Variants in ANGPT4 observed in about 807,000 individuals in gnomAD.
ANGPT4 encodes the protein angiopoietin-4.
A neutral mutation model predicts 53.0 loss-of-function variants in ANGPT4; 50 were observed. The ratio of observed to expected loss-of-function variants is 0.94; its 90% CI spans 0.75 to 1.20. The LOEUF is 1.20. ANGPT4 is among the 50% of genes most tolerant of loss of function. ANGPT4 has a pLI of 0.00. For synonymous variants in ANGPT4, 251 were observed against 259.7 expected (o/e 0.97, Z 0.32); for missense variants, 648 against 637.1 (o/e 1.02, Z -0.18).
At chr20:887,978 C>A (rs1410570522) in intron 3 of ANGPT4, among the ~76,000 whole-genome samples, 1 of 152,078 alleles carries the variant, frequency 6.6e-6, no homozygotes, top group African/African-American at 2.4e-5. Context: ...CCACCCAGTG[C>A]AGGGGCCAGG....
Position 908,223 on chromosome 20 carries a change from C to T in ANGPT4, c.309+7683G>A, listed in dbSNP as rs1032966437. Among the ~76,000 whole-genome samples the T allele has an allele frequency of 3.9e-5, 6 of 152,240 alleles. No individual in the cohort carries two copies. Among genetic ancestry groups the T allele is most frequent in the Admixed American group, 1.3e-4 (2 of 15,306 alleles). On this transcript the variant is annotated intron_variant, in intron 1 of 8. Transcript: ENST00000381922. The surrounding 1 kb of genome is among the most constrained non-coding windows in gnomAD (Gnocchi z 4.9). Reference sequence around the variant, plus strand: ...TCTTCCCAGTCTCCATGGTCCTCCACGGAGAACAGGGTCAGGACCAGGGAC... The same window carrying T: ...TCTTCCCAGTCTCCATGGTCCTCCATGGAGAACAGGGTCAGGACCAGGGAC...
chr20:882,356 C>G (rs1032770063), intron 4 of ANGPT4, among the ~76,000 whole-genome samples: 1 of 152,102 alleles, frequency 6.6e-6, no homozygotes, highest in African/African-American at 2.4e-5. Context: ...AGCCAGGTAC[C>G]CAGGATGGGG....
chr20:902,391 T>G lies in ANGPT4; in HGVS notation c.310-12023A>C, dbSNP rs6055727. ...ACTAGTCTCTAACTGATATTAACTT[T>G]TCCTGTGGTAGTGAGTATATGCCAC... On this transcript the variant is annotated intron_variant, in intron 1 of 8. Transcript: ENST00000381922. Among the ~76,000 whole-genome samples the G allele has an allele frequency of 4.6e-3, 699 of 152,314 alleles. 7 individuals carry two copies. The highest frequency in any genetic ancestry group is 0.015 in the African/African-American group (641 of 41,570).
At chr20:882,532 G>A (rs1273269588) in intron 4 of ANGPT4, among the ~76,000 whole-genome samples, 1 of 152,170 alleles carries the variant, frequency 6.6e-6, no homozygotes, top group African/African-American at 2.4e-5. Flanking sequence ...CAAATGAGAT[G>A]ACTAAGACCC....
At chr20:874,517 C>T in intron 7 of ANGPT4, 103 bp from the exon 8 acceptor site, 6 of 1,493,330 alleles carry the variant, frequency 4.0e-6, no homozygotes, top group Non-Finnish European at 5.4e-6. Flanking sequence ...GCTGGGCTTC[C>T]CCTCCAGGTG....
intron 1 of ANGPT4, among the ~76,000 whole-genome samples, chr20:915,231 C>CT (rs992509693): frequency 6.6e-6 from 1 of 151,988 alleles, no homozygotes; most frequent in African/African-American, 2.4e-5. Context: ...GTGGCCCCCC[C>CT]CCCAGCTGCA....
intron 1 of ANGPT4, among the ~76,000 whole-genome samples, chr20:895,348 G>C (rs1337489429): frequency 6.6e-6 from 1 of 152,244 alleles, no homozygotes; most frequent in Non-Finnish European, 1.5e-5. Flanking sequence ...CTGAGTTTTG[G>C]TCCCTGGTCT....
At chr20:906,658 T>C (rs1353924812) in intron 1 of ANGPT4, among the ~76,000 whole-genome samples, 1 of 152,158 alleles carries the variant, frequency 6.6e-6, no homozygotes, top group Non-Finnish European at 1.5e-5. Flanking sequence ...TTTATGAGGG[T>C]TGGCCCCTCC....
intron 1 of ANGPT4, among the ~76,000 whole-genome samples, chr20:909,978 C>A (rs750251174): frequency 7.9e-5 from 12 of 152,214 alleles, no homozygotes; most frequent in Non-Finnish European, 1.5e-4. Context: ...GAAGAAAAAT[C>A]TAGTAGCTAT....
chr20:898,763 C>T (rs770007075), intron 1 of ANGPT4, among the ~76,000 whole-genome samples: 2 of 152,222 alleles, frequency 1.3e-5, no homozygotes, highest in Non-Finnish European at 2.9e-5. Flanking sequence ...CTTCAAAACG[C>T]CTAAGCCGCA....
rs988889218 is a variant in ANGPT4, at chr20:908,027, G to C, written c.309+7879C>G. Among the ~76,000 whole-genome samples, 18 of 152,172 alleles carry C rather than the reference G, an allele frequency of 1.2e-4. No homozygotes were observed. The highest frequency in any genetic ancestry group is 4.1e-4 in the African/African-American group (17 of 41,440). The stretch of plus-strand genomic sequence containing the variant: ...AAGGAAGATTTTTAACTTAATGGCT[G>C]AGCTCTTTCTATGTGCCTGTCTTGC... On this transcript the variant is annotated intron_variant, in intron 1 of 8. Transcript: ENST00000381922. The surrounding 1 kb of genome is among the most constrained non-coding windows in gnomAD (Gnocchi z 4.9).
Position 916,264 on chromosome 20 carries a change from G to T in ANGPT4, c.-50C>A, listed in dbSNP as rs374092321. On this transcript the variant is annotated 5_prime_UTR_variant, in exon 1 of 9. Coordinates refer to ENST00000381922, the MANE Select transcript of ANGPT4 (RefSeq NM_015985.4). ...ATGTCTGCTCAGAGCCCTAGGGGCTGTGCCTGGGATGTCCTGCTGCAGCCA... is the reference window on the plus strand; with the variant it reads ...ATGTCTGCTCAGAGCCCTAGGGGCTTTGCCTGGGATGTCCTGCTGCAGCCA... The T allele has an allele frequency of 2.5e-5, 39 of 1,559,214 alleles. No individual in the cohort carries two copies. Among genetic ancestry groups the T allele is most frequent in the Non-Finnish European group, 3.4e-5 (39 of 1,146,046 alleles).
rs1980954601 is a variant in ANGPT4 at position 871,868 on chromosome 20, A to C, written c.*1092T>G. ...TTCTTCAGGGATGGTATCTGTTTTAACTGAAAGGTTATTTCCAGTTGTTTT... is the reference window on the plus strand; with the variant it reads ...TTCTTCAGGGATGGTATCTGTTTTACCTGAAAGGTTATTTCCAGTTGTTTT... On this transcript the variant is annotated 3_prime_UTR_variant, in exon 9 of 9. Transcript: ENST00000381922. The C allele has an allele frequency of 6.6e-6, 1 of 152,126 alleles. No homozygotes were observed. The highest frequency in any genetic ancestry group is 2.4e-5 in the African/African-American group (1 of 41,408). The allele number at this position is 152,126 out of a possible 1,614,324, so 9.4% of individuals were successfully genotyped here. A position where few individuals can be genotyped will look rare whatever the true frequency, so the allele number is the denominator to read the frequency against.
In ANGPT4 at chr20:887,526, CTT is replaced by C. The variant is rs559594968; in HGVS notation, c.587+790_587+791del. 2.7e-3 allele frequency among the ~76,000 whole-genome samples: 413 copies of C among 152,258 alleles called. 2 individuals are homozygous for C. Among genetic ancestry groups the C allele is most frequent in the African/African-American group, 9.7e-3 (401 of 41,540 alleles). Reference sequence around the variant, plus strand: ...GGCTTGTTCAGTGGGTAGATTTTGCCTTCTCCAGAACCCTGACTTTGGCAGCT... The same window carrying C: ...GGCTTGTTCAGTGGGTAGATTTTGCCCTCCAGAACCCTGACTTTGGCAGCT... On this transcript the variant is annotated intron_variant, in intron 3 of 8. Transcript: ENST00000381922.
At chr20:878,844 G>T (rs1370214553) in intron 6 of ANGPT4, among the ~76,000 whole-genome samples, 1 of 152,236 alleles carries the variant, frequency 6.6e-6, no homozygotes, top group African/African-American at 2.4e-5. Flanking sequence ...TGACAGCGCA[G>T]CCACTGCAAG....
At chr20:878,553 G>A (rs1981265065) in intron 6 of ANGPT4, among the ~76,000 whole-genome samples, 1 of 152,184 alleles carries the variant, frequency 6.6e-6, no homozygotes, top group South Asian at 2.1e-4. Flanking sequence ...AAAAGTTATT[G>A]AAATCACATT....
intron 1 of ANGPT4, among the ~76,000 whole-genome samples, chr20:898,946 A>T (rs1382172252): frequency 2.6e-5 from 4 of 152,158 alleles, no homozygotes; most frequent in Non-Finnish European, 4.4e-5. Context: ...AACCACACCC[A>T]GAGCCCCTGG....
In ANGPT4 at chr20:886,035, A is replaced by G. The variant is rs1417923217; in HGVS notation, c.588-710T>C. 4.6e-5 allele frequency among the ~76,000 whole-genome samples: 7 copies of G among 152,282 alleles called. No homozygotes were observed. In the East Asian group the frequency reaches 1.3e-3, roughly 29 times the overall value. ...GTGGATGAAGATGGAGAGGAGGAAG[A>G]TGGGGGCAGGATGGAGGGCCCAACT... On this transcript the variant is annotated intron_variant, in intron 3 of 8. Transcript: ENST00000381922.
At chr20:900,300 A>T (rs1434256393) in intron 1 of ANGPT4, among the ~76,000 whole-genome samples, 1 of 152,162 alleles carries the variant, frequency 6.6e-6, no homozygotes. Context: ...GCACCATGAA[A>T]ATTGAACCTC....
Sources: gnomAD v4.1 joint callset for allele counts (sites outside exome capture counted in the v4.1 genomes callset) on GRCh38, gnomAD v4.1.1 for gene constraint, Gnocchi (gnomAD v3.1) non-coding constraint, MANE v1.5 for transcripts, NCBI Gene and HGNC (gene_info 2026-07-23, HGNC 2026-07-21) for gene names.